APOLD1: variants seen among roughly 807,000 people sequenced by gnomAD.
The protein encoded by APOLD1 is apolipoprotein L domain-containing protein 1.
APOLD1 carries 22 observed loss-of-function variants against 15.3 expected under a neutral mutation model. That is an observed-to-expected ratio of 1.44 (90% CI 1.03 to 2.05). The LOEUF is 2.05. Ranked by LOEUF, APOLD1 falls within the 30% of genes most tolerant of loss-of-function variation. APOLD1 has a pLI of 0.00. For synonymous variants in APOLD1, 190 were observed against 167.4 expected, an observed-to-expected ratio of 1.13 and a Z score of -1.04; for missense variants, 394 against 353.5, an observed-to-expected ratio of 1.11 and a Z score of -0.92.
At chr12:12,766,076 T>A (rs1946941102) in intron 1 of APOLD1, among the ~76,000 whole-genome samples, 1 of 152,172 alleles carries the variant, frequency 6.6e-6, no homozygotes, top group Non-Finnish European at 1.5e-5. Context: ...TCTGTTTGCC[T>A]CTCAGGACCT....
intron 1 of APOLD1, among the ~76,000 whole-genome samples, chr12:12,755,904 T>C (rs769311351): frequency 1.3e-5 from 2 of 152,214 alleles, no homozygotes; most frequent in South Asian, 2.1e-4. Flanking sequence ...CCTGAGTTTC[T>C]AGCCTGCCAG....
rs892637803 is a variant in APOLD1, at chr12:12,787,843, G to C, written c.*191G>C. ...ATCACTGTGACATCTGCCTGGGCTT[G>C]AGTGCTACGGACTTTTCAGTCTTCC... On this transcript the variant is annotated 3_prime_UTR_variant, in exon 2 of 2. Transcript: ENST00000356591. The surrounding 1 kb of genome is among the most constrained non-coding windows in gnomAD (Gnocchi z 4.9). 4.5e-5 allele frequency: 34 copies of C among 761,442 alleles called. No homozygotes were observed. In the Admixed American group the frequency reaches 5.1e-4, roughly 11 times the overall value. The allele number at this position is 761,442 out of a possible 1,614,324, so 47.2% of individuals were successfully genotyped here.
Position 12,761,416 on chromosome 12 carries a change from C to T in APOLD1, c.97-25493C>T, listed in dbSNP as rs567948364. Among the ~76,000 whole-genome samples, 11 of 152,178 alleles carry T rather than the reference C, an allele frequency of 7.2e-5. No individual in the cohort carries two copies. The South Asian group carries it at 2.3e-3, about 32-fold the overall frequency. ...TCATGGCTATAGCTTGTTTGTTGTT[C>T]ATTAGTTGTAAGTGTGTTCCAGGGA... On this transcript the variant is annotated intron_variant, in intron 1 of 1. Transcript: ENST00000326765.
At chr12:12,740,787 A>G (rs990521218) in intron 1 of APOLD1, among the ~76,000 whole-genome samples, 5 of 149,908 alleles carry the variant, frequency 3.3e-5, no homozygotes, top group Non-Finnish European at 7.5e-5. Flanking sequence ...AATATTTGGA[A>G]TCTTTTTTTA....
chr12:12,787,074 G>C lies in APOLD1; in HGVS notation c.169G>C (p.Val57Leu), dbSNP rs570198112. The C allele has an allele frequency of 2.9e-6, 4 of 1,393,212 alleles. No homozygotes were observed. Among genetic ancestry groups the C allele is most frequent in the Non-Finnish European group, 3.7e-6 (4 of 1,084,188 alleles). The allele number at this position is 1,393,212 out of a possible 1,614,324, so 86.3% of individuals were successfully genotyped here. A position where few individuals can be genotyped will look rare whatever the true frequency, so the allele number is the denominator to read the frequency against. Reference protein sequence around the residue: ...RLRRRSLVANVAGSSLSATGA... With the variant: ...RLRRRSLVANLAGSSLSATGA... ...GCGCAGGCGCTCCCTCGTAGCCAAC[G>C]TGGCCGGCAGCTCGCTGAGCGCAAC... Residue 57 changes from valine to leucine, a missense_variant, in exon 2 of 2, where the codon GTG (valine) becomes CTG (leucine). By Grantham distance (32) the Val-to-Leu change is conservative. Transcript: ENST00000356591. This position sits in a 1 kb window ranked among gnomAD's most constrained non-coding sequence, Gnocchi z 4.9.
intron 1 of APOLD1, among the ~76,000 whole-genome samples, chr12:12,770,872 T>C (rs1197408739): frequency 6.6e-6 from 1 of 151,586 alleles, no homozygotes; most frequent in Admixed American, 6.6e-5. Flanking sequence ...ACCAGAGGTT[T>C]AAAAAATCTT....
In APOLD1 at chr12:12,787,810, CT is replaced by C. The variant is rs990547500; in HGVS notation, c.*162del. On this transcript the variant is annotated 3_prime_UTR_variant, in exon 2 of 2. Transcript: ENST00000356591. The surrounding 1 kb of genome is among the most constrained non-coding windows in gnomAD (Gnocchi z 4.9). ...AAGTGGGCAGGTCCCCAAAGCCCTT[CT>C]TTTCCCATCACTGTGACATCTGCCT... is the stretch of plus-strand genomic sequence containing the variant. 2 of 1,040,144 alleles carry C rather than the reference CT, an allele frequency of 1.9e-6. No homozygotes were observed. Among genetic ancestry groups the C allele is most frequent in the Admixed American group, 5.8e-5 (2 of 34,352 alleles). 64.4% of individuals were successfully genotyped at this position (1,040,144 alleles called of 1,614,324 possible). A position where few individuals can be genotyped will look rare whatever the true frequency, so the allele number is the denominator to read the frequency against.
chr12:12,759,440 A>G (rs1946881264), intron 1 of APOLD1, among the ~76,000 whole-genome samples: 1 of 152,200 alleles, frequency 6.6e-6, no homozygotes, highest in Non-Finnish European at 1.5e-5. Flanking sequence ...ACAAGATGCT[A>G]TAAAGTATAT....
chr12:12,747,844 T>C (rs1946778769), intron 1 of APOLD1, among the ~76,000 whole-genome samples: 1 of 152,100 alleles, frequency 6.6e-6, no homozygotes, highest in Admixed American at 6.6e-5. Context: ...TCTGGAGTGG[T>C]GAGGGATTGG....
chr12:12,731,774 C>G (rs945048736), intron 1 of APOLD1, among the ~76,000 whole-genome samples: 5 of 152,196 alleles, frequency 3.3e-5, no homozygotes, highest in Non-Finnish European at 7.4e-5. Context: ...TCTTTCTTGA[C>G]AGTTTAATCC....
intron 1 of APOLD1, among the ~76,000 whole-genome samples, chr12:12,759,590 C>A (rs1384183896): frequency 6.6e-6 from 1 of 152,162 alleles, no homozygotes; most frequent in Non-Finnish European, 1.5e-5. Flanking sequence ...CGGCATTTAT[C>A]GCACTTCCTA....
At chr12:12,773,210 A>G (rs958323089) in intron 1 of APOLD1, among the ~76,000 whole-genome samples, 5 of 152,256 alleles carry the variant, frequency 3.3e-5, no homozygotes, top group African/African-American at 1.2e-4. Flanking sequence ...TCTAAAAATC[A>G]ATAATCTAAG....
At chr12:12,736,229 T>C (rs1215821806) in intron 1 of APOLD1, among the ~76,000 whole-genome samples, 5 of 152,276 alleles carry the variant, frequency 3.3e-5, no homozygotes, top group Non-Finnish European at 1.5e-5. Context: ...TGTGTGCCTG[T>C]AATCCCAGCT....
chr12:12,787,042 A>T lies in APOLD1; in HGVS notation c.137A>T (p.Glu46Val). The stretch of plus-strand genomic sequence containing the variant: ...CTGCGCGAGGTGGCCCGGCGCCTGG[A>T]GCGCCTGCGCAGGCGCTCCCTCGTA... Reference protein sequence around the residue: ...LRLREVARRLERLRRRSLVAN... With the variant: ...LRLREVARRLVRLRRRSLVAN... Residue 46 changes from glutamate to valine, a missense_variant, in exon 2 of 2, where the codon GAG (glutamate) becomes GTG (valine). Coordinates refer to ENST00000356591, the MANE Select transcript of APOLD1 (RefSeq NM_030817.3). This position sits in a 1 kb window ranked among gnomAD's most constrained non-coding sequence, Gnocchi z 4.9. 1 of 1,373,644 alleles carries T rather than the reference A, an allele frequency of 7.3e-7. No individual in the cohort carries two copies. The highest frequency in any genetic ancestry group is 9.3e-7 in the Non-Finnish European group (1 of 1,074,030). 85.1% of individuals were successfully genotyped at this position (1,373,644 alleles called of 1,614,324 possible).
At chr12:12,746,514 A>AATAAATAAATAAATAC (rs1259214397) in intron 1 of APOLD1, among the ~76,000 whole-genome samples, 5 of 150,692 alleles carry the variant, frequency 3.3e-5, no homozygotes, top group African/African-American at 1.2e-4. Flanking sequence ...TAAATAAATA[A>AATAAATAAATAAATAC]ATACATAAAT....
At chr12:12,782,001 G>A (rs543905880), upstream of APOLD1, among the ~76,000 whole-genome samples, 15 of 151,146 alleles carry the variant, frequency 9.9e-5, no homozygotes, top group Middle Eastern at 3.4e-3. Context: ...GCTCACGCCT[G>A]TAATCCTAGC....
At chr12:12,780,814 C>T (rs935554389), upstream of APOLD1, among the ~76,000 whole-genome samples, 1 of 130,282 alleles carries the variant, frequency 7.7e-6, no homozygotes, top group Non-Finnish European at 1.7e-5. Context: ...GTATTGTATT[C>T]CTGGGCTCAA....
At chr12:12,726,723 G>A (rs1337693097) in intron 1 of APOLD1, among the ~76,000 whole-genome samples, 4 of 152,036 alleles carry the variant, frequency 2.6e-5, no homozygotes, top group African/African-American at 9.7e-5. Context: ...ATCCTTCTTA[G>A]CCTAACAAAC....
chr12:12,768,375 G>A (rs542163994), intron 1 of APOLD1, among the ~76,000 whole-genome samples: 5 of 152,206 alleles, frequency 3.3e-5, no homozygotes, highest in African/African-American at 9.6e-5. Flanking sequence ...GCTCATGCCT[G>A]TAATCCCAGC....
Sources: allele counts gnomAD v4.1 joint callset (sites outside exome capture counted in the v4.1 genomes callset), GRCh38; gene constraint gnomAD v4.1.1; non-coding constraint Gnocchi (gnomAD v3.1); transcripts MANE v1.5; gene names NCBI Gene and HGNC (gene_info 2026-07-23, HGNC 2026-07-21).